The following CEP128 variants were observed in gnomAD, a reference collection of about 807,000 sequenced individuals.
CEP128 encodes centrosomal protein 128.
CEP128 carries 132 observed loss-of-function variants against 156.7 expected under a neutral mutation model. That is an observed-to-expected ratio of 0.84 (90% CI 0.73 to 0.97). The LOEUF (loss-of-function observed/expected upper bound fraction) is 0.97. Ranked by LOEUF, CEP128 falls within the 50% of genes least tolerant of loss-of-function variation. CEP128 has a pLI of 0.00. For missense variants in CEP128, 1,252 were observed against 1,281.9 expected (o/e 0.98, Z 0.36); for synonymous variants, 469 against 448.9 (o/e 1.04, Z -0.57).
chr14:80,819,351 A>G (rs1165706208), intron 13 of CEP128, among the ~76,000 whole-genome samples: 2 of 141,454 alleles, frequency 1.4e-5, no homozygotes, highest in Non-Finnish European at 3.0e-5. Flanking sequence ...GGTTCATGCC[A>G]TTCTCCTGCC....
intron 19 of CEP128, among the ~76,000 whole-genome samples, chr14:80,707,013 C>T (rs1595256045): frequency 1.3e-5 from 2 of 152,098 alleles, no homozygotes; most frequent in African/African-American, 4.8e-5. Flanking sequence ...TGAGATTATC[C>T]ATTTGTGACA....
chr14:80,916,386 C>T lies in CEP128; in HGVS notation c.147+15G>A. The T allele has an allele frequency of 1.2e-6, 2 of 1,601,012 alleles. No individual in the cohort carries two copies. Among genetic ancestry groups the T allele is most frequent in the Non-Finnish European group, 1.7e-6 (2 of 1,171,840 alleles). On this transcript the variant is annotated intron_variant, in intron 3 of 24. Coordinates refer to ENST00000555265, the MANE Select transcript of CEP128 (RefSeq NM_152446.5). ...CTATTTAAATTCTATTAAATGCAAC[C>T]ATTGTTAAACTAACCTGTAAAGTAC...
chr14:80,684,504 T>A (rs565920052), intron 19 of CEP128, among the ~76,000 whole-genome samples: 11 of 152,034 alleles, frequency 7.2e-5, no homozygotes, highest in Non-Finnish European at 1.6e-4. Flanking sequence ...ACAGGCAAAT[T>A]CTACCAGATG....
intron 19 of CEP128, among the ~76,000 whole-genome samples, chr14:80,609,294 G>C (rs1335571815): frequency 6.6e-6 from 1 of 151,814 alleles, no homozygotes; most frequent in Non-Finnish European, 1.5e-5. Context: ...AAGTAACCTT[G>C]GTTAATATTT....
intron 19 of CEP128, among the ~76,000 whole-genome samples, chr14:80,653,806 A>C (rs1895016082): frequency 6.6e-6 from 1 of 152,202 alleles, no homozygotes; most frequent in South Asian, 2.1e-4. Context: ...GATGTGACCC[A>C]TTAGGATCAT....
chr14:80,678,047 A>ATATATATATATATATATATATATATATAT (rs1555390193), intron 19 of CEP128, among the ~76,000 whole-genome samples: 1 of 68,520 alleles, frequency 1.5e-5, no homozygotes, highest in East Asian at 3.9e-4. Context: ...CTATAAAAAA[A>ATATATATATATATATATATATATATATAT]AAATATATAT....
intron 19 of CEP128, among the ~76,000 whole-genome samples, chr14:80,612,792 G>A (rs1051578459): frequency 6.6e-6 from 1 of 152,088 alleles, no homozygotes; most frequent in Non-Finnish European, 1.5e-5. Flanking sequence ...ACATTTTAAA[G>A]TAATTTCTAA....
intron 8 of CEP128, 28 bp from the exon 9 acceptor site, chr14:80,862,901 C>T (rs1236953902): frequency 6.6e-7 from 1 of 1,510,978 alleles, no homozygotes; most frequent in Non-Finnish European, 9.2e-7. Flanking sequence ...GAAACAGCAG[C>T]ATTATAGAGC....
At chr14:80,683,030 A>G (rs1197683362) in intron 19 of CEP128, among the ~76,000 whole-genome samples, 1 of 151,990 alleles carries the variant, frequency 6.6e-6, no homozygotes, top group Non-Finnish European at 1.5e-5. Flanking sequence ...CACTCACTTA[A>G]GTACATAGCT....
At chr14:80,832,798 T>C (rs2140051146) in intron 12 of CEP128, among the ~76,000 whole-genome samples, 1 of 152,316 alleles carries the variant, frequency 6.6e-6, no homozygotes, top group Non-Finnish European at 1.5e-5. Flanking sequence ...CTAATACATC[T>C]CATATGTTAC....
At chr14:80,895,892 T>C in intron 7 of CEP128, 102 bp from the exon 8 acceptor site, 1 of 836,702 alleles carries the variant, frequency 1.2e-6, no homozygotes. Flanking sequence ...CAAAATATTC[T>C]ACTTTAGTGA....
chr14:80,905,006 A>C, intron 5 of CEP128, 75 bp from the exon 6 acceptor site: 1 of 863,628 alleles, frequency 1.2e-6, no homozygotes, highest in Admixed American at 1.7e-5. Flanking sequence ...TACTCAGTAC[A>C]AACATGGCAG....
chr14:80,516,474 G>A (rs1221950638), intron 23 of CEP128, among the ~76,000 whole-genome samples: 1 of 152,174 alleles, frequency 6.6e-6, no homozygotes, highest in African/African-American at 2.4e-5. Context: ...AGCCCTGGCT[G>A]TTGTCTTACT....
chr14:80,936,271 C>T (rs1885803076), intron 2 of CEP128, among the ~76,000 whole-genome samples: 1 of 152,136 alleles, frequency 6.6e-6, no homozygotes, highest in Non-Finnish European at 1.5e-5. Flanking sequence ...AATCACAGCA[C>T]TTTGACAGGC....
At chr14:80,813,656 T>C (rs1409514373) in intron 13 of CEP128, among the ~76,000 whole-genome samples, 1 of 152,174 alleles carries the variant, frequency 6.6e-6, no homozygotes, top group Non-Finnish European at 1.5e-5. Flanking sequence ...TTTTAAAACT[T>C]TCTTCACTTT....
chr14:80,914,262 A>C, intron 4 of CEP128, 60 bp downstream of exon 4: 3 of 1,283,834 alleles, frequency 2.3e-6, no homozygotes, highest in Non-Finnish European at 3.4e-6. Context: ...CCCATTCCCC[A>C]AAACACTTCA....
chr14:80,903,299 T>C (rs2139434745), intron 6 of CEP128, among the ~76,000 whole-genome samples: 1 of 152,148 alleles, frequency 6.6e-6, no homozygotes, highest in East Asian at 1.9e-4. Flanking sequence ...AAACTGCATA[T>C]ACATGCTAAA....
chr14:80,923,631 T>G (rs1884996059), intron 2 of CEP128, among the ~76,000 whole-genome samples: 1 of 152,214 alleles, frequency 6.6e-6, no homozygotes, highest in Non-Finnish European at 1.5e-5. Context: ...CAGCTGTCCC[T>G]GCCCAAGGTA....
chr14:80,740,500 A>AGATAGAT (rs1555397278), intron 19 of CEP128, among the ~76,000 whole-genome samples: 17 of 87,900 alleles, frequency 1.9e-4, no homozygotes, highest in African/African-American at 6.5e-4. Context: ...ATATCTAGAT[A>AGATAGAT]GATAGATAGA....
Sources: gnomAD v4.1 joint callset for allele counts (sites outside exome capture counted in the v4.1 genomes callset) on GRCh38, gnomAD v4.1.1 for gene constraint, MANE v1.5 for transcripts, NCBI Gene and HGNC (gene_info 2026-07-23, HGNC 2026-07-21) for gene names.